HINT3: variants seen among roughly 807,000 people sequenced by gnomAD.
HINT3 encodes the protein histidine triad nucleotide binding protein 3, also known as adenosine 5'-monophosphoramidase HINT3.
In HINT3, 16 loss-of-function variants were observed where a neutral mutation model predicts 19.1. The observed-to-expected ratio is 0.84, with a 90% CI of 0.57 to 1.27. The LOEUF (loss-of-function observed/expected upper bound fraction) is 1.27, where lower values mean the gene tolerates loss of function less well. Ranked by LOEUF, HINT3 falls within the 50% of genes most tolerant of loss-of-function variation. HINT3 has a pLI of 0.00. For synonymous variants in HINT3, 75 were observed against 84.8 expected (o/e 0.88, Z 0.63); for missense variants, 197 against 225.8 (o/e 0.87, Z 0.82).
intron 1 of HINT3, 151 bp from the exon 2 acceptor site, chr6:125,966,736 T>TTCTATGAACATG: frequency 3.8e-6 from 2 of 521,090 alleles, no homozygotes; most frequent in Non-Finnish European, 6.7e-6. Context: ...GTTATGAACT[T>TTCTATGAACATG]AATGCGTAAT....
In HINT3 at chr6:125,978,587, G is replaced by T. The variant is rs138751342; in HGVS notation, c.*911G>T. On this transcript the variant is annotated 3_prime_UTR_variant, in exon 5 of 5. Coordinates refer to ENST00000229633, the MANE Select transcript of HINT3 (RefSeq NM_138571.5). ...CATAGGTATATTTTGTTAGAAATTG[G>T]TTTTTTGGTGCTAATCTATAGGCAC... 1.6e-4 allele frequency: 25 copies of T among 152,222 alleles called. No homozygotes were observed. In the East Asian group the frequency reaches 4.6e-3, roughly 28 times the overall value. The allele number at this position is 152,222 out of a possible 1,614,324, so 9.4% of individuals were successfully genotyped here. A position where few individuals can be genotyped will look rare whatever the true frequency, so the allele number is the denominator to read the frequency against.
chr6:125,960,336 T>C (rs1660897915), intron 1 of HINT3, among the ~76,000 whole-genome samples: 1 of 152,066 alleles, frequency 6.6e-6, no homozygotes, highest in African/African-American at 2.4e-5. Context: ...TGCCATGTGG[T>C]TGTTATAGAA....
rs1314485648 is a variant in HINT3, at chr6:125,968,759, G to C, written c.319+1755G>C. Among the ~76,000 whole-genome samples, 21 of 152,176 alleles carry C rather than the reference G, an allele frequency of 1.4e-4. No individual in the cohort carries two copies. The South Asian group carries it at 2.3e-3, about 17-fold the overall frequency. On this transcript the variant is annotated intron_variant, in intron 2 of 4. Transcript: ENST00000229633. ...GTGGGTTTGATTTGCATTTCCTGAT[G>C]ATTAGTGATGTGGAGCATTTTTTTC...
At chr6:125,972,033 G>T (rs1398046212) in intron 2 of HINT3, among the ~76,000 whole-genome samples, 1 of 152,016 alleles carries the variant, frequency 6.6e-6, no homozygotes, top group East Asian at 1.9e-4. Flanking sequence ...TTTAAAAAAT[G>T]TTTTTTAGAG....
chr6:125,961,510 G>A (rs1788926295), intron 1 of HINT3, among the ~76,000 whole-genome samples: 1 of 152,174 alleles, frequency 6.6e-6, no homozygotes, highest in African/African-American at 2.4e-5. Context: ...TTGAAGTTGG[G>A]GATCCCACAA....
rs1463104920 is a variant in HINT3, at chr6:125,977,843, A to G, written c.*167A>G. On this transcript the variant is annotated 3_prime_UTR_variant, in exon 5 of 5. Transcript: ENST00000229633. ...GTCTGTTTCCTAAGATCTGTGATAC[A>G]GTTATGTGAATATTTTGTTACTGAC... 1 of 436,608 alleles carries G rather than the reference A, an allele frequency of 2.3e-6. No individual in the cohort carries two copies. 27.0% of individuals were successfully genotyped at this position (436,608 alleles called of 1,614,324 possible).
rs767388132 is a variant in HINT3 at position 125,978,411 on chromosome 6, T to C, written c.*735T>C. On this transcript the variant is annotated 3_prime_UTR_variant, in exon 5 of 5. Transcript: ENST00000229633. The stretch of plus-strand genomic sequence containing the variant: ...CATAAAGTGGTTCTCTTAATAAAAC[T>C]AGCAGAAAATGTTGCTTTATGGCAT... The C allele has an allele frequency of 2.6e-5, 4 of 152,160 alleles. No individual in the cohort carries two copies. The highest frequency in any genetic ancestry group is 5.9e-5 in the Non-Finnish European group (4 of 67,980). 9.4% of individuals were successfully genotyped at this position (152,160 alleles called of 1,614,324 possible).
In HINT3 at chr6:125,957,002, A is replaced by C. The variant is rs1285511399; in HGVS notation, c.25A>C (p.Ser9Arg). 2 of 1,550,274 alleles carry C rather than the reference A, an allele frequency of 1.3e-6. No individual in the cohort carries two copies. Among genetic ancestry groups the C allele is most frequent in the Non-Finnish European group, 1.7e-6 (2 of 1,146,818 alleles). Residue 9 changes from serine (S) to arginine (R), a missense_variant, in exon 1 of 5, where the codon AGC becomes CGC. Ser to Arg is a moderately radical substitution (Grantham distance 110). Transcript: ENST00000229633. ...AATGGCGGAGGAACAGGTGAACCGC[A>C]GCGCCGGCCTGGCCCCCGACTGTGA... MAEEQVNR[S>R]AGLAPDCEAS...
chr6:125,968,471 C>T (rs903260747), intron 2 of HINT3, among the ~76,000 whole-genome samples: 1 of 152,206 alleles, frequency 6.6e-6, no homozygotes, highest in African/African-American at 2.4e-5. Flanking sequence ...CTGTGACTCA[C>T]ATACAAGTGC....
At chr6:125,968,080 C>T (rs1385850433) in intron 2 of HINT3, among the ~76,000 whole-genome samples, 3 of 152,142 alleles carry the variant, frequency 2.0e-5, no homozygotes, top group African/African-American at 7.2e-5. Flanking sequence ...TTGTGTGGTG[C>T]TGAGGTTTGG....
chr6:125,966,643 C>A (rs1789021338), intron 1 of HINT3, among the ~76,000 whole-genome samples: 2 of 152,030 alleles, frequency 1.3e-5, no homozygotes, highest in African/African-American at 4.8e-5. Context: ...TTTTAGTGAA[C>A]TTTACTCATA....
chr6:125,978,504 G>GT lies in HINT3; in HGVS notation c.*829dup, dbSNP rs1339743970. 6.6e-6 allele frequency: 1 copy of GT among 152,114 alleles called. No homozygotes were observed. Among genetic ancestry groups the GT allele is most frequent in the Non-Finnish European group, 1.5e-5 (1 of 67,968 alleles). The allele number at this position is 152,114 out of a possible 1,614,324, so 9.4% of individuals were successfully genotyped here. ...ATCATGAAAAGGGCCTGATTTGAAG[G>GT]TAGAGATAGGCTTAGATGAGAAAAA... On this transcript the variant is annotated 3_prime_UTR_variant, in exon 5 of 5. Transcript: ENST00000229633.
Position 125,973,065 on chromosome 6 carries a change from CTTTTTTTTTTT to C in HINT3, c.389+755_389+765del, listed in dbSNP as rs869084942. Among the ~76,000 whole-genome samples the C allele has an allele frequency of 1.2e-4, 9 of 74,482 alleles. No individual in the cohort carries two copies. In the East Asian group the frequency reaches 1.4e-3, roughly 11 times the overall value. 48.9% of individuals were successfully genotyped at this position (74,482 alleles called of 152,430 possible). A position where few individuals can be genotyped will look rare whatever the true frequency, so the allele number is the denominator to read the frequency against. On this transcript the variant is annotated intron_variant, in intron 3 of 4. Coordinates refer to ENST00000229633, the MANE Select transcript of HINT3 (RefSeq NM_138571.5). ...AAGCACATGATGTTCAATTTTTCAA[CTTTTTTTTTTT>C]TTTTTTTTTTTTTTTTTGAGACGGA... is the stretch of plus-strand genomic sequence containing the variant.
intron 3 of HINT3, among the ~76,000 whole-genome samples, chr6:125,972,985 A>G (rs1789129471): frequency 6.7e-6 from 1 of 149,116 alleles, no homozygotes; most frequent in Non-Finnish European, 1.5e-5. Flanking sequence ...AAAACACATG[A>G]TTATAATTCT....
At chr6:125,965,932 A>G (rs1789010990) in intron 1 of HINT3, among the ~76,000 whole-genome samples, 2 of 152,208 alleles carry the variant, frequency 1.3e-5, no homozygotes, top group Admixed American at 6.5e-5. Context: ...TTATCTTAGG[A>G]TAACCAGGAT....
intron 2 of HINT3, among the ~76,000 whole-genome samples, chr6:125,969,913 A>C (rs1789074983): frequency 6.6e-6 from 1 of 152,014 alleles, no homozygotes; most frequent in African/African-American, 2.4e-5. Context: ...CTAGGTATGG[A>C]CTCAGATTGT....
chr6:125,971,743 C>T (rs1466207466), intron 2 of HINT3, among the ~76,000 whole-genome samples: 4 of 110,126 alleles, frequency 3.6e-5, no homozygotes, highest in Admixed American at 2.8e-4. Context: ...CAGACTCTTG[C>T]TCTGTCACCA....
chr6:125,979,849 T>C lies in HINT3; in HGVS notation c.*2173T>C, dbSNP rs1203031275. ...TGTGGTTAGCCAATTGATTCAACTT[T>C]TATAGGTTTATATGCTCTCATGTAA... On this transcript the variant is annotated 3_prime_UTR_variant, in exon 5 of 5. Coordinates refer to ENST00000229633, the MANE Select transcript of HINT3 (RefSeq NM_138571.5). 6.6e-6 allele frequency: 1 copy of C among 152,242 alleles called. No homozygotes were observed. The highest frequency in any genetic ancestry group is 1.5e-5 in the Non-Finnish European group (1 of 68,048). 9.4% of individuals were successfully genotyped at this position (152,242 alleles called of 1,614,324 possible).
intron 2 of HINT3, among the ~76,000 whole-genome samples, chr6:125,971,617 C>G (rs568043349): frequency 6.6e-6 from 1 of 151,906 alleles, no homozygotes; most frequent in Non-Finnish European, 1.5e-5. Flanking sequence ...TCACTGCAGC[C>G]TCGACCTCCT....
Sources: allele counts gnomAD v4.1 joint callset (sites outside exome capture counted in the v4.1 genomes callset), GRCh38; gene constraint gnomAD v4.1.1; transcripts MANE v1.5; gene names NCBI Gene and HGNC (gene_info 2026-07-23, HGNC 2026-07-21).